Variants in GRIA4 observed in about 807,000 individuals in gnomAD.
GRIA4 encodes the protein glutamate ionotropic receptor AMPA type subunit 4.
Under a neutral mutation model 104.0 loss-of-function variants are expected in GRIA4, and 34 were observed. The ratio of observed to expected loss-of-function variants is 0.33; its 90% CI spans 0.25 to 0.44. The LOEUF (loss-of-function observed/expected upper bound fraction) is 0.44. Ranked by LOEUF, GRIA4 falls within the 20% of genes least tolerant of loss-of-function variation. The pLI is 1.00. For synonymous variants in GRIA4, 386 were observed against 381.9 expected (o/e 1.01, Z -0.13); for missense variants, 750 against 1,096.5 (o/e 0.68, Z 4.46).
chr11:105,724,597 G>T (rs1307974532), intron 3 of GRIA4, among the ~76,000 whole-genome samples: 2 of 151,974 alleles, frequency 1.3e-5, no homozygotes, highest in Non-Finnish European at 2.9e-5. Context: ...TGTATACATG[G>T]ACATAGAGCA....
rs553868254 is a variant in GRIA4, at chr11:105,943,750, C to T, written c.2294+9781C>T. ...AAAGATATTGTCTTCAAAACTCTGT[C>T]ATATAAGTGACTACCATGGATGAAA... On this transcript the variant is annotated intron_variant, in intron 14 of 16. Coordinates refer to ENST00000282499, the MANE Select transcript of GRIA4 (RefSeq NM_000829.4). Among the ~76,000 whole-genome samples the T allele has an allele frequency of 2.0e-5, 3 of 152,128 alleles. No individual in the cohort carries two copies. The East Asian group carries it at 5.8e-4, about 29-fold the overall frequency.
At chr11:105,802,775 GA>G (rs34574241) in intron 4 of GRIA4, among the ~76,000 whole-genome samples, 2 of 151,254 alleles carry the variant, frequency 1.3e-5, no homozygotes, top group African/African-American at 4.9e-5. Context: ...TTATGTCATT[GA>G]AAAAAACAAC....
At chr11:105,712,091 G>T (rs1953931842) in intron 3 of GRIA4, among the ~76,000 whole-genome samples, 2 of 151,766 alleles carry the variant, frequency 1.3e-5, no homozygotes, top group African/African-American at 4.8e-5. Context: ...TATGTTAAAG[G>T]TTATTAATCA....
chr11:105,698,994 GTGCTGC>G (rs1476088909), intron 3 of GRIA4, among the ~76,000 whole-genome samples: 11 of 152,198 alleles, frequency 7.2e-5, no homozygotes, highest in Admixed American at 7.2e-4. Flanking sequence ...AGTCTGGTCT[GTGCTGC>G]TGAGTTATCC....
intron 15 of GRIA4, among the ~76,000 whole-genome samples, chr11:105,973,313 T>C (rs1858791811): frequency 6.6e-6 from 1 of 152,134 alleles, no homozygotes; most frequent in Non-Finnish European, 1.5e-5. Flanking sequence ...CTTCAGGTAG[T>C]CTACCAAAAT....
chr11:105,899,761 G>A (rs1343893245), intron 7 of GRIA4, among the ~76,000 whole-genome samples: 3 of 152,134 alleles, frequency 2.0e-5, no homozygotes, highest in African/African-American at 7.2e-5. Context: ...TTTTATGGGT[G>A]TTTGTGTTTA....
intron 2 of GRIA4, among the ~76,000 whole-genome samples, chr11:105,611,376 G>A (rs931729890): frequency 7.2e-5 from 11 of 152,014 alleles, no homozygotes; most frequent in African/African-American, 2.7e-4. Context: ...AGTCTTCGGG[G>A]AATTTGGTTG....
intron 3 of GRIA4, among the ~76,000 whole-genome samples, chr11:105,719,686 A>G (rs2135572284): frequency 6.6e-6 from 1 of 152,180 alleles, no homozygotes; most frequent in African/African-American, 2.4e-5. Context: ...GAGTAAAGGG[A>G]CATAAGTACA....
At chr11:105,944,389 CTCTCCT>C (rs1235153187) in intron 14 of GRIA4, among the ~76,000 whole-genome samples, 1 of 152,026 alleles carries the variant, frequency 6.6e-6, no homozygotes, top group East Asian at 1.9e-4. Flanking sequence ...TTGGTCTCCA[CTCTCCT>C]TCATGTCTCA....
chr11:105,736,234 C>G (rs958640541), intron 3 of GRIA4, among the ~76,000 whole-genome samples: 1 of 152,114 alleles, frequency 6.6e-6, no homozygotes. Context: ...ACTGACCTCA[C>G]CACCCTGCCC....
intron 15 of GRIA4, 50 bp from the exon 16 acceptor site, chr11:105,974,260 T>G (rs1357036770): frequency 8.3e-6 from 13 of 1,575,662 alleles, no homozygotes; most frequent in Non-Finnish European, 1.1e-5. Flanking sequence ...TCTTTTACCT[T>G]TTGGATGTGA....
intron 3 of GRIA4, among the ~76,000 whole-genome samples, chr11:105,622,670 C>G (rs541726954): frequency 2.0e-5 from 3 of 151,798 alleles, no homozygotes; most frequent in South Asian, 2.1e-4. Context: ...TTGTCCAAAT[C>G]AATGGTTTTA....
chr11:105,787,088 C>CTA (rs1942001687), intron 4 of GRIA4, among the ~76,000 whole-genome samples: 1 of 152,148 alleles, frequency 6.6e-6, no homozygotes, highest in Non-Finnish European at 1.5e-5. Flanking sequence ...AACAGAGAGA[C>CTA]TATAACCTGG....
At chr11:105,754,297 T>A (rs1034042421) in intron 4 of GRIA4, among the ~76,000 whole-genome samples, 3 of 152,128 alleles carry the variant, frequency 2.0e-5, no homozygotes, top group Admixed American at 6.6e-5. Flanking sequence ...TTTTAAAAAA[T>A]TTCTGTGGTA....
At chr11:105,642,998 G>T (rs1391835306) in intron 3 of GRIA4, among the ~76,000 whole-genome samples, 1 of 152,126 alleles carries the variant, frequency 6.6e-6, no homozygotes, top group Non-Finnish European at 1.5e-5. Context: ...CATGGCAGCA[G>T]CAAGGAGAAG....
intron 4 of GRIA4, among the ~76,000 whole-genome samples, chr11:105,825,715 T>C (rs1008846709): frequency 2.0e-5 from 3 of 151,984 alleles, no homozygotes; most frequent in African/African-American, 7.2e-5. Flanking sequence ...TTGGTAAAAA[T>C]CATCAGTCAC....
intron 5 of GRIA4, among the ~76,000 whole-genome samples, chr11:105,878,387 AG>A (rs1200341019): frequency 6.6e-6 from 1 of 152,170 alleles, no homozygotes; most frequent in Non-Finnish European, 1.5e-5. Context: ...CAGGAGGCAC[AG>A]GGGTCAGGGA....
intron 5 of GRIA4, among the ~76,000 whole-genome samples, chr11:105,869,858 T>C (rs1480064796): frequency 1.3e-5 from 2 of 152,080 alleles, no homozygotes; most frequent in Non-Finnish European, 2.9e-5. Context: ...TCCCTGCTGA[T>C]ACAGATTTTC....
At chr11:105,866,551 G>GTGTA (rs1299256765) in intron 5 of GRIA4, among the ~76,000 whole-genome samples, 37 of 76,710 alleles carry the variant, frequency 4.8e-4, no homozygotes, top group Middle Eastern at 7.4e-3. Flanking sequence ...GTGTGTGTGT[G>GTGTA]TATATATATA....
Sources: allele counts gnomAD v4.1 joint callset (sites outside exome capture counted in the v4.1 genomes callset), GRCh38; gene constraint gnomAD v4.1.1; transcripts MANE v1.5; gene names NCBI Gene and HGNC (gene_info 2026-07-23, HGNC 2026-07-21).